Variants in KIF6 observed in about 807,000 individuals in gnomAD.
KIF6 encodes the protein kinesin family member 6, also known as kinesin-like protein KIF6.
Under a neutral mutation model 112.7 loss-of-function variants are expected in KIF6, and 106 were observed. The observed-to-expected ratio is 0.94, with a 90% CI of 0.80 to 1.11. KIF6 has a LOEUF of 1.11. Ranked by LOEUF, KIF6 falls within the 50% of genes least tolerant of loss-of-function variation. The pLI is 0.00. For synonymous variants in KIF6, 339 were observed against 339.9 expected (o/e 1.00, Z 0.03); for missense variants, 929 against 964.0 (o/e 0.96, Z 0.48).
At chr6:39,599,209 A>G (rs1782448443) in intron 6 of KIF6, among the ~76,000 whole-genome samples, 1 of 152,212 alleles carries the variant, frequency 6.6e-6, no homozygotes, top group African/African-American at 2.4e-5. Flanking sequence ...TAGTAGTATC[A>G]TCCTCTCAAC....
intron 3 of KIF6, among the ~76,000 whole-genome samples, chr6:39,693,708 A>C (rs1231176110): frequency 1.3e-5 from 2 of 152,150 alleles, no homozygotes; most frequent in African/African-American, 4.8e-5. Context: ...GTCCTGAGCC[A>C]GAAGGATTTA....
Position 39,378,687 on chromosome 6 carries a change from AT to A in KIF6, c.1861+6934del, listed in dbSNP as rs1430180549. 3.3e-5 allele frequency among the ~76,000 whole-genome samples: 5 copies of A among 152,194 alleles called. No homozygotes were observed. Among genetic ancestry groups the A allele is most frequent in the African/African-American group, 1.2e-4 (5 of 41,436 alleles). On this transcript the variant is annotated intron_variant, in intron 16 of 22. Coordinates refer to ENST00000287152, the MANE Select transcript of KIF6 (RefSeq NM_145027.6). This position sits in a 1 kb window ranked among gnomAD's most constrained non-coding sequence, Gnocchi z 5.0. Reference sequence around the variant, plus strand: ...GTCCCTCTCACCTGACACATTTCACATGCTGCTTGGTAGTGTGATGTATCTT... The same window carrying A: ...GTCCCTCTCACCTGACACATTTCACAGCTGCTTGGTAGTGTGATGTATCTT...
intron 3 of KIF6, among the ~76,000 whole-genome samples, chr6:39,681,812 A>AT (rs1481371265): frequency 1.3e-5 from 2 of 152,246 alleles, no homozygotes; most frequent in African/African-American, 4.8e-5. Flanking sequence ...AGCCAATAGC[A>AT]TGCCCCGTGG....
chr6:39,395,296 T>C (rs1175072869), intron 15 of KIF6, among the ~76,000 whole-genome samples: 1 of 152,216 alleles, frequency 6.6e-6, no homozygotes, highest in Non-Finnish European at 1.5e-5. Flanking sequence ...TACTATTATA[T>C]AAACAGATTC....
At chr6:39,596,330 A>T (rs1276921596) in intron 6 of KIF6, 70 bp from the exon 7 acceptor site, 8 of 1,096,538 alleles carry the variant, frequency 7.3e-6, no homozygotes, top group Non-Finnish European at 1.4e-6. Flanking sequence ...AAAGATTTAA[A>T]ATAATATTTC....
In KIF6 at chr6:39,330,078, G is replaced by A. The variant is rs1476133848; in HGVS notation, c.*6454C>T. 1 of 152,316 alleles carries A rather than the reference G, an allele frequency of 6.6e-6. No homozygotes were observed. Among genetic ancestry groups the A allele is most frequent in the East Asian group, 1.9e-4 (1 of 5,184 alleles). 9.4% of individuals were successfully genotyped at this position (152,316 alleles called of 1,614,324 possible). ...AAGAGTCCATCAAATCAGCATGTTAGCGCAGGTCTGGTGGCCCAATCCCAG... is the reference window on the plus strand; with the variant it reads ...AAGAGTCCATCAAATCAGCATGTTAACGCAGGTCTGGTGGCCCAATCCCAG... On this transcript the variant is annotated 3_prime_UTR_variant, in exon 23 of 23. Transcript: ENST00000287152.
In KIF6 at chr6:39,613,235, GCTT is replaced by G; in HGVS notation, c.590_592del (p.Glu197del). 10 of 1,604,804 alleles carry G rather than the reference GCTT, an allele frequency of 6.2e-6. No homozygotes were observed. The highest frequency in any genetic ancestry group is 1.1e-5 in the South Asian group (1 of 89,548). On this transcript the variant is annotated inframe_deletion, in exon 6 of 23. Coordinates refer to ENST00000287152, the MANE Select transcript of KIF6 (RefSeq NM_145027.6). Reference sequence around the variant, plus strand: ...GTCTCCTAAAAAAAGCAAATTCAGAGCTTCTTCCTCTGTGGTTGCCTGATGGAG... The same window carrying G: ...GTCTCCTAAAAAAAGCAAATTCAGAGCTTCCTCTGTGGTTGCCTGATGGAG...
Position 39,352,406 on chromosome 6 carries a change from A to C in KIF6, c.2180+4871T>G, listed in dbSNP as rs556851156. On this transcript the variant is annotated intron_variant, in intron 19 of 22. Coordinates refer to ENST00000287152, the MANE Select transcript of KIF6 (RefSeq NM_145027.6). ...CATACAGAATAGTTTCACTGCCCCC[A>C]AAATTCCCTGTGCTCCATCTATTCA... is the stretch of plus-strand genomic sequence containing the variant. 3.9e-5 allele frequency among the ~76,000 whole-genome samples: 6 copies of C among 152,356 alleles called. No individual in the cohort carries two copies. In the Middle Eastern group the frequency reaches 0.01, roughly 259 times the overall value.
chr6:39,717,341 C>CT (rs1286939221), intron 2 of KIF6, among the ~76,000 whole-genome samples: 2 of 152,136 alleles, frequency 1.3e-5, no homozygotes, highest in East Asian at 3.8e-4. Context: ...ACATAGATCA[C>CT]TTTTTCTCAA....
intron 16 of KIF6, among the ~76,000 whole-genome samples, chr6:39,377,107 TC>T (rs1300506328): frequency 1.3e-5 from 2 of 152,160 alleles, no homozygotes; most frequent in Non-Finnish European, 1.5e-5. Context: ...ATTTGCTGTC[TC>T]CCAGGCTGTA....
intron 13 of KIF6, among the ~76,000 whole-genome samples, chr6:39,443,900 T>C (rs1772134117): frequency 6.6e-6 from 1 of 152,208 alleles, no homozygotes; most frequent in South Asian, 2.1e-4. Flanking sequence ...ATGCTTATGT[T>C]CATGTTTTGG....
chr6:39,606,840 A>C (rs1024000618), intron 6 of KIF6, among the ~76,000 whole-genome samples: 1 of 152,090 alleles, frequency 6.6e-6, no homozygotes, highest in East Asian at 1.9e-4. Context: ...AGATCTCATC[A>C]CTCTAACCAA....
chr6:39,709,921 ATTACT>A (rs1281626129), intron 3 of KIF6, among the ~76,000 whole-genome samples: 1 of 152,226 alleles, frequency 6.6e-6, no homozygotes, highest in African/African-American at 2.4e-5. Context: ...ATGGGGATAC[ATTACT>A]TTAAATATTG....
rs766799035 is a variant in KIF6 at position 39,575,779 on chromosome 6, T to TA, written c.1181+2276dup. Among the ~76,000 whole-genome samples, 17 of 152,268 alleles carry TA rather than the reference T, an allele frequency of 1.1e-4. No homozygotes were observed. In the South Asian group the frequency reaches 3.5e-3, roughly 32 times the overall value. The stretch of plus-strand genomic sequence containing the variant: ...CTACCAAATGCTCATTGGCTGTTCC[T>TA]AGCCCTCTCCTGCTCCAGGGCTCCA... On this transcript the variant is annotated intron_variant, in intron 10 of 22. Coordinates refer to ENST00000287152, the MANE Select transcript of KIF6 (RefSeq NM_145027.6).
chr6:39,606,165 T>C (rs1352646600), intron 6 of KIF6, among the ~76,000 whole-genome samples: 1 of 151,954 alleles, frequency 6.6e-6, no homozygotes, highest in Non-Finnish European at 1.5e-5. Flanking sequence ...CCTCTTCTTC[T>C]TCTTCCTTTC....
At chr6:39,669,710 T>G (rs1335761846) in intron 3 of KIF6, among the ~76,000 whole-genome samples, 2 of 152,218 alleles carry the variant, frequency 1.3e-5, no homozygotes, top group Non-Finnish European at 2.9e-5. Context: ...TAGACATATT[T>G]AGACCTTATG....
At chr6:39,681,558 C>A (rs1003216805) in intron 3 of KIF6, among the ~76,000 whole-genome samples, 1 of 152,152 alleles carries the variant, frequency 6.6e-6, no homozygotes, top group South Asian at 2.1e-4. Context: ...ACCCCTACTT[C>A]TTTCAATACT....
intron 13 of KIF6, among the ~76,000 whole-genome samples, chr6:39,465,152 A>G (rs1773712598): frequency 6.6e-6 from 1 of 152,158 alleles, no homozygotes; most frequent in Admixed American, 6.5e-5. Flanking sequence ...GGGCGGGGAT[A>G]TCATACCCCA....
intron 10 of KIF6, chr6:39,554,743 C>A: frequency 6.1e-6 from 1 of 163,286 alleles, no homozygotes; most frequent in Non-Finnish European, 1.3e-5. Context: ...CTGGAACTCC[C>A]CGAAGAGCTG....
Sources: allele counts gnomAD v4.1 joint callset (sites outside exome capture counted in the v4.1 genomes callset), GRCh38; gene constraint gnomAD v4.1.1; non-coding constraint Gnocchi (gnomAD v3.1); transcripts MANE v1.5; gene names NCBI Gene and HGNC (gene_info 2026-07-23, HGNC 2026-07-21).